Variants in C20orf96 observed in about 807,000 individuals in gnomAD.
The protein encoded by C20orf96 is chromosome 20 open reading frame 96, also known as uncharacterized protein C20orf96.
C20orf96 carries 57 observed loss-of-function variants against 52.6 expected under a neutral mutation model. That is an observed-to-expected ratio of 1.08 (90% confidence interval 0.88 to 1.35). The LOEUF is 1.35. Among genes scored for constraint, C20orf96 ranks in the 40% most tolerant of loss-of-function variants. The probability of loss-of-function intolerance (pLI) is 0.00; values close to 1 mark genes in which losing one functional copy is unlikely to be tolerated. For missense variants in C20orf96, 478 were observed against 443.6 expected (o/e 1.08, Z -0.70); for synonymous variants, 168 against 157.2 (o/e 1.07, Z -0.51).
intron 10 of C20orf96, among the ~76,000 whole-genome samples, chr20:273,752 C>G (rs1313295977): frequency 6.6e-6 from 1 of 151,908 alleles, no homozygotes; most frequent in Non-Finnish European, 1.5e-5. Context: ...TGGTGCACAC[C>G]TGTAATCCCA....
chr20:278,608 T>A (rs1387899995), intron 5 of C20orf96, among the ~76,000 whole-genome samples, 179 bp from the exon 6 acceptor site: 1 of 151,876 alleles, frequency 6.6e-6, no homozygotes, highest in African/African-American at 2.4e-5. Flanking sequence ...TATAAAGACA[T>A]ACAGATCGCT....
At chr20:284,938 T>C (rs569207774) in intron 3 of C20orf96, among the ~76,000 whole-genome samples, 1 of 152,362 alleles carries the variant, frequency 6.6e-6, no homozygotes, top group African/African-American at 2.4e-5. Flanking sequence ...GCAAGTCAAA[T>C]GACCTCTGTG....
intron 9 of C20orf96, 175 bp downstream of exon 9, chr20:276,618 C>A: frequency 6.9e-7 from 1 of 1,445,740 alleles, no homozygotes; most frequent in Non-Finnish European, 9.1e-7. Context: ...TGCCAATCGC[C>A]TTCCCAGATG....
At chr20:286,328 C>T (rs935845474) in intron 3 of C20orf96, among the ~76,000 whole-genome samples, 36 of 151,514 alleles carry the variant, frequency 2.4e-4, no homozygotes, top group South Asian at 6.3e-4. Context: ...ATCAGCCTGG[C>T]GAACATGGTG....
At chr20:290,465 G>A in intron 1 of C20orf96, 126 bp downstream of exon 1, 1 of 1,519,544 alleles carries the variant, frequency 6.6e-7, no homozygotes, top group East Asian at 2.5e-5. Context: ...GATGTGGGCG[G>A]GGAGAGGACG....
Position 287,801 on chromosome 20 carries a change from C to T in C20orf96, c.187+1758G>A, listed in dbSNP as rs370719219. Among the ~76,000 whole-genome samples the T allele has an allele frequency of 2.1e-4, 32 of 148,988 alleles. No homozygotes were observed. The South Asian group carries it at 6.2e-3, about 29-fold the overall frequency. ...GCACACGCCTTCAGTCCCAGCTACT[C>T]GGGAGGCTAAGGCAGGAGAATCGCT... On this transcript the variant is annotated intron_variant, in intron 3 of 10. Coordinates refer to ENST00000360321, the MANE Select transcript of C20orf96 (RefSeq NM_153269.3).
chr20:290,141 A>G (rs1289303517), intron 2 of C20orf96, 118 bp downstream of exon 2: 2 of 741,006 alleles, frequency 2.7e-6, no homozygotes, highest in Non-Finnish European at 4.4e-6. Flanking sequence ...CCCGGCTGGG[A>G]CTGGAATTCG....
chr20:280,021 C>T (rs192424919), intron 4 of C20orf96, among the ~76,000 whole-genome samples: 5 of 152,086 alleles, frequency 3.3e-5, no homozygotes, highest in African/African-American at 9.7e-5. Context: ...GGTGGCAGAG[C>T]GACCGCCATG....
intron 3 of C20orf96, among the ~76,000 whole-genome samples, chr20:288,605 G>A (rs1011597653): frequency 1.3e-5 from 2 of 152,116 alleles, no homozygotes; most frequent in Non-Finnish European, 2.9e-5. Flanking sequence ...GGGAGCCTGA[G>A]CCTCTATCCC....
intron 3 of C20orf96, among the ~76,000 whole-genome samples, chr20:287,427 A>T (rs927385544): frequency 2.6e-5 from 4 of 152,218 alleles, no homozygotes; most frequent in Non-Finnish European, 5.9e-5. Context: ...GATGTTGAAC[A>T]TCTTTTTAAT....
rs1022843347 is a variant in C20orf96 at position 290,738 on chromosome 20, A to C, written c.-128T>G. On this transcript the variant is annotated 5_prime_UTR_variant, in exon 1 of 11. Coordinates refer to ENST00000360321, the MANE Select transcript of C20orf96 (RefSeq NM_153269.3). ...ACCCAGGCCACTCAGAAGTCCCGAG[A>C]CCCGATGCTTTCGCCAGCGTCTCGG... The C allele has an allele frequency of 5.3e-6, 6 of 1,130,192 alleles. No individual in the cohort carries two copies. Among genetic ancestry groups the C allele is most frequent in the Non-Finnish European group, 7.7e-6 (6 of 782,950 alleles). The allele number at this position is 1,130,192 out of a possible 1,614,324, so 70.0% of individuals were successfully genotyped here. A position where few individuals can be genotyped will look rare whatever the true frequency, so the allele number is the denominator to read the frequency against.
intron 10 of C20orf96, among the ~76,000 whole-genome samples, chr20:274,057 AAAG>A (rs1173190678): frequency 6.6e-6 from 1 of 151,984 alleles, no homozygotes; most frequent in Non-Finnish European, 1.5e-5. Flanking sequence ...AAAGAAAAGA[AAAG>A]AAAAAAGAAA....
Position 271,144 on chromosome 20 carries a change from T to C in C20orf96, c.*63A>G. 1.5e-6 allele frequency: 2 copies of C among 1,378,724 alleles called. No individual in the cohort carries two copies. Among genetic ancestry groups the C allele is most frequent in the Non-Finnish European group, 2.0e-6 (2 of 990,726 alleles). 85.4% of individuals were successfully genotyped at this position (1,378,724 alleles called of 1,614,324 possible). A position where few individuals can be genotyped will look rare whatever the true frequency, so the allele number is the denominator to read the frequency against. ...ATGGAGATCCGGTCCTGGAAGTAAA[T>C]GATCCAAGGCTCCAGGTGCTGGGAA... On this transcript the variant is annotated 3_prime_UTR_variant, in exon 11 of 11. Coordinates refer to ENST00000360321, the MANE Select transcript of C20orf96 (RefSeq NM_153269.3).
chr20:284,724 A>G (rs6082066), intron 3 of C20orf96, among the ~76,000 whole-genome samples: 67,734 of 151,956 alleles, frequency 0.45, 15,213 homozygotes, highest in East Asian at 0.55. Flanking sequence ...GGACATGATG[A>G]TGGGCGCCTG....
chr20:290,405 T>G, intron 1 of C20orf96, 98 bp from the exon 2 acceptor site: 1 of 1,562,834 alleles, frequency 6.4e-7, no homozygotes, highest in South Asian at 1.2e-5. Flanking sequence ...AACCAGAAAC[T>G]GCAGTTTACC....
chr20:288,174 C>CTTTTTCTTTTTCTTTT (rs760222046), intron 3 of C20orf96, among the ~76,000 whole-genome samples: 19 of 66,038 alleles, frequency 2.9e-4, no homozygotes, highest in South Asian at 6.3e-4. Context: ...TTTTCTTTTT[C>CTTTTTCTTTTTCTTTT]TTTTTTTTTT....
Position 276,007 on chromosome 20 carries a change from C to T in C20orf96, c.992G>A (p.Arg331Gln), listed in dbSNP as rs1457701977. 5.0e-6 allele frequency: 8 copies of T among 1,614,020 alleles called. No individual in the cohort carries two copies. Among genetic ancestry groups the T allele is most frequent in the Admixed American group, 3.3e-5 (2 of 59,996 alleles). ...CAGAACATCCTCAAATATGACCTCT[C>T]GGGGTTCCCGGGTCTGGGCTTGGAG... Reference protein sequence around the residue: ...EELQAQTREPREVIFEDVLLR... With the variant: ...EELQAQTREPQEVIFEDVLLR... Residue 331 changes from arginine (R) to glutamine (Q), a missense_variant, in exon 10 of 11, where the codon CGA (arginine) becomes CAA (glutamine). Transcript: ENST00000360321.
intron 3 of C20orf96, among the ~76,000 whole-genome samples, chr20:287,557 A>G (rs2122322449): frequency 6.6e-6 from 1 of 152,290 alleles, no homozygotes; most frequent in African/African-American, 2.4e-5. Flanking sequence ...TATATTCTAC[A>G]TAGTAGTCCT....
rs527688757 is a variant in C20orf96, at chr20:281,161, GTAAATAAA to G, written c.307-1839_307-1832del. ...ACACAGCAAGAACTTGTCTCTAAAA[GTAAATAAA>G]TAAATAAATAAATACAATTTTAAAA... On this transcript the variant is annotated intron_variant, in intron 4 of 10. Coordinates refer to ENST00000360321, the MANE Select transcript of C20orf96 (RefSeq NM_153269.3). Among the ~76,000 whole-genome samples, 1,154 of 152,066 alleles carry G rather than the reference GTAAATAAA, an allele frequency of 7.6e-3. 3 individuals carry two copies. Among genetic ancestry groups the G allele is most frequent in the Middle Eastern group, 0.014 (4 of 294 alleles).
Sources: gnomAD v4.1 joint callset for allele counts (sites outside exome capture counted in the v4.1 genomes callset) on GRCh38, gnomAD v4.1.1 for gene constraint, MANE v1.5 for transcripts, NCBI Gene and HGNC (gene_info 2026-07-23, HGNC 2026-07-21) for gene names.